Variants in DNAAF4 observed in about 807,000 individuals in gnomAD.
DNAAF4 encodes dynein assembly factor 4, axonemal.
DNAAF4 carries 43 observed loss-of-function variants against 51.8 expected under a neutral mutation model. That is an observed-to-expected ratio of 0.83 (90% CI 0.65 to 1.07). The LOEUF (loss-of-function observed/expected upper bound fraction) is 1.07, where lower values mean the gene tolerates loss of function less well. Among genes scored for constraint, DNAAF4 ranks in the 50% least tolerant of loss-of-function variants. The pLI is 0.00. For synonymous variants in DNAAF4, 194 were observed against 165.6 expected (o/e 1.17, Z -1.32); for missense variants, 581 against 493.0 (o/e 1.18, Z -1.69).
chr15:55,439,522 G>A lies in DNAAF4; in HGVS notation c.843C>T (p.Cys281=), dbSNP rs766323204. 4 of 1,613,748 alleles carry A rather than the reference G, an allele frequency of 2.5e-6. No homozygotes were observed. Among genetic ancestry groups the A allele is most frequent in the Middle Eastern group, 1.6e-4 (1 of 6,062 alleles). The change falls in exon 7 of 10, where the codon TGC becomes TGT. Residue 281 remains cysteine (C), a synonymous_variant. Coordinates refer to ENST00000321149, the MANE Select transcript of DNAAF4 (RefSeq NM_130810.4). ...GGTTCTTTTCTTCTTCTTTTAAATC[G>A]CAAAGTTCAGCTATGTCAGTATTCA... is the stretch of plus-strand genomic sequence containing the variant. ...RAMNTDIAEL[C]DLKEEEKNPE...
intron 5 of DNAAF4, among the ~76,000 whole-genome samples, chr15:55,452,244 T>TA (rs57692277): frequency 0.39 from 21,078 of 53,858 alleles, 3,911 homozygotes; most frequent in East Asian, 0.61. Context: ...CATGTCTCAC[T>TA]AAAAAAAAAA....
intron 4 of DNAAF4, among the ~76,000 whole-genome samples, chr15:55,468,271 G>T (rs1272997039): frequency 6.6e-6 from 1 of 152,130 alleles, no homozygotes; most frequent in Non-Finnish European, 1.5e-5. Context: ...TGCACTGAAA[G>T]GTGCTCTGTA....
Position 55,473,198 on chromosome 15 carries a change from A to AAAAATATATATATATATATATAT in DNAAF4, c.406-6038_406-6037insATATATATATATATATATATTTT, listed in dbSNP as rs1209754897. Among the ~76,000 whole-genome samples the AAAAATATATATATATATATATAT allele has an allele frequency of 1.2e-4, 9 of 75,738 alleles. 1 individual carries two copies. Among genetic ancestry groups the AAAAATATATATATATATATATAT allele is most frequent in the African/African-American group, 4.8e-4 (9 of 18,672 alleles). The allele number at this position is 75,738 out of a possible 152,430, so 49.7% of individuals were successfully genotyped here. ...ACAAAAAAAAAACCTAAAAAAAAAA[A>AAAAATATATATATATATATATAT]ATATATATATATATATATATATATG... On this transcript the variant is annotated intron_variant, in intron 4 of 9. Coordinates refer to ENST00000321149, the MANE Select transcript of DNAAF4 (RefSeq NM_130810.4).
intron 4 of DNAAF4, among the ~76,000 whole-genome samples, chr15:55,484,225 T>A (rs1240023259): frequency 1.3e-5 from 2 of 152,108 alleles, no homozygotes; most frequent in Non-Finnish European, 2.9e-5. Context: ...GGCTCATGCC[T>A]GTAATCCCAG....
At chr15:55,447,251 ATGGGGTGGCGGT>A (rs1294747232) in intron 6 of DNAAF4, among the ~76,000 whole-genome samples, 1 of 146,180 alleles carries the variant, frequency 6.8e-6, no homozygotes, top group African/African-American at 2.6e-5. Context: ...CACTTCCCAG[ATGGGGTGGCGGT>A]CGGGCAGAGG....
intron 1 of DNAAF4, among the ~76,000 whole-genome samples, chr15:55,499,979 A>C (rs147260000): frequency 6.6e-6 from 1 of 152,306 alleles, no homozygotes; most frequent in African/African-American, 2.4e-5. Flanking sequence ...TAAAACAGTG[A>C]ATGTATACAA....
At position 55,498,365 on chromosome 15, in the gene DNAAF4, G is replaced by T. The variant is rs1480368434; in HGVS notation, c.-36C>A. On this transcript the variant is annotated 5_prime_UTR_variant, in exon 2 of 10. Coordinates refer to ENST00000321149, the MANE Select transcript of DNAAF4 (RefSeq NM_130810.4). ...ACGGGAGCGGATAGCGCGGCTGGTT[G>T]CTTCTTGCGCCTGCTTGGTTGCTAG... 1 of 1,587,148 alleles carries T rather than the reference G, an allele frequency of 6.3e-7. No homozygotes were observed. The highest frequency in any genetic ancestry group is 8.6e-7 in the Non-Finnish European group (1 of 1,162,756).
downstream of DNAAF4, among the ~76,000 whole-genome samples, chr15:55,429,718 A>G (rs561895970): frequency 6.7e-5 from 10 of 149,784 alleles, no homozygotes; most frequent in African/African-American, 1.2e-4. Context: ...TCGGGAGGCT[A>G]AGGCAGGAGA....
At chr15:55,463,172 TCACACACACA>T (rs3221985) in intron 5 of DNAAF4, among the ~76,000 whole-genome samples, 4 of 140,288 alleles carry the variant, frequency 2.9e-5, no homozygotes, top group African/African-American at 8.3e-5. Flanking sequence ...AGACTCTGTC[TCACACACACA>T]CACACACACA....
intron 4 of DNAAF4, among the ~76,000 whole-genome samples, chr15:55,469,314 G>A (rs1181282830): frequency 1.3e-5 from 2 of 150,390 alleles, no homozygotes; most frequent in South Asian, 4.2e-4. Flanking sequence ...TGGGGGACAA[G>A]AGCGAGGCTC....
intron 7 of DNAAF4, among the ~76,000 whole-genome samples, chr15:55,421,364 A>G (rs2057386839): frequency 1.3e-5 from 2 of 151,304 alleles, no homozygotes; most frequent in South Asian, 4.2e-4. Flanking sequence ...TTAGCCAGGC[A>G]TGGTGGTGCA....
intron 7 of DNAAF4, among the ~76,000 whole-genome samples, chr15:55,421,843 C>T (rs755042153): frequency 3.7e-4 from 56 of 151,076 alleles, no homozygotes; most frequent in East Asian, 2.9e-3. Context: ...GAGCCGATAT[C>T]ACACCATTGC....
intron 5 of DNAAF4, among the ~76,000 whole-genome samples, chr15:55,459,399 C>T (rs542509666): frequency 3.9e-5 from 6 of 151,932 alleles, no homozygotes; most frequent in Non-Finnish European, 8.8e-5. Flanking sequence ...AATAGAACCT[C>T]CTTAAAACAT....
chr15:55,438,636 T>A (rs564849691), intron 7 of DNAAF4, among the ~76,000 whole-genome samples: 61 of 151,686 alleles, frequency 4.0e-4, no homozygotes, highest in African/African-American at 1.5e-3. Context: ...ACAAAAAAAA[T>A]TCGCCAGGTG....
At position 55,482,206 on chromosome 15, in the gene DNAAF4, C is replaced by G. The variant is rs2058421096; in HGVS notation, c.405+8917G>C. 2.0e-5 allele frequency among the ~76,000 whole-genome samples: 3 copies of G among 151,660 alleles called. No homozygotes were observed. In the South Asian group the frequency reaches 6.2e-4, roughly 32 times the overall value. On this transcript the variant is annotated intron_variant, in intron 4 of 9. Transcript: ENST00000321149. ...CTCATAGTCAAGACTTTCCATCTGG[C>G]AACAACAGAAGTGTTGGCAAAGATG...
intron 5 of DNAAF4, among the ~76,000 whole-genome samples, chr15:55,460,475 C>G (rs568451489): frequency 6.6e-6 from 1 of 151,930 alleles, no homozygotes; most frequent in African/African-American, 2.4e-5. Flanking sequence ...CCACCGCGCC[C>G]GGCCGGAATT....
At chr15:55,504,097 G>A (rs2058713809) in intron 1 of DNAAF4, among the ~76,000 whole-genome samples, 1 of 152,146 alleles carries the variant, frequency 6.6e-6, no homozygotes, top group Non-Finnish European at 1.5e-5. Flanking sequence ...CAAAATCAAT[G>A]TGCAAAAATC....
At chr15:55,432,922 C>A (rs2057520061) in intron 8 of DNAAF4, among the ~76,000 whole-genome samples, 1 of 151,914 alleles carries the variant, frequency 6.6e-6, no homozygotes, top group South Asian at 2.1e-4. Context: ...TGAACTCCAG[C>A]CTGGGTGACA....
intron 7 of DNAAF4, among the ~76,000 whole-genome samples, chr15:55,423,696 C>A (rs573075178): frequency 6.6e-6 from 1 of 152,278 alleles, no homozygotes; most frequent in South Asian, 2.1e-4. Flanking sequence ...CTCACACCTG[C>A]AATCTCAGCA....
Sources: allele counts gnomAD v4.1 joint callset (sites outside exome capture counted in the v4.1 genomes callset), GRCh38; gene constraint gnomAD v4.1.1; transcripts MANE v1.5; gene names NCBI Gene and HGNC (gene_info 2026-07-23, HGNC 2026-07-21).